The following LRRC4B variants were observed in gnomAD, a reference collection of about 807,000 sequenced individuals.
LRRC4B encodes the protein leucine-rich repeat-containing protein 4B.
A neutral mutation model predicts 7.3 loss-of-function variants in LRRC4B; 1 was observed. The observed-to-expected ratio is 0.14, with a 90% CI of 0.05 to 0.65. The LOEUF is 0.65. LRRC4B is among the 30% of genes least tolerant of loss of function. LRRC4B has a pLI of 0.84. For missense variants in LRRC4B, 730 were observed against 1,041.6 expected, an observed-to-expected ratio of 0.70 and a Z score of 4.12; for synonymous variants, 500 against 499.2, an observed-to-expected ratio of 1.00 and a Z score of -0.02.
In LRRC4B at chr19:50,553,752, C is replaced by T. The variant is rs1303028931; in HGVS notation, c.-35-4879G>A. On this transcript the variant is annotated intron_variant, in intron 1 of 2. Transcript: ENST00000652263. The surrounding 1 kb of genome is among the most constrained non-coding windows in gnomAD (Gnocchi z 4.2). ...GTGACTATTTGGTTCCCAGGACCCACAACAGTGCTGGGCACATGGCAGTTG... is the reference window on the plus strand; with the variant it reads ...GTGACTATTTGGTTCCCAGGACCCATAACAGTGCTGGGCACATGGCAGTTG... Among the ~76,000 whole-genome samples, 1 of 152,172 alleles carries T rather than the reference C, an allele frequency of 6.6e-6. No individual in the cohort carries two copies. The highest frequency in any genetic ancestry group is 2.4e-5 in the African/African-American group (1 of 41,436).
chr19:50,556,733 T>C lies in LRRC4B; in HGVS notation c.-35-7860A>G, dbSNP rs963429545. On this transcript the variant is annotated intron_variant, in intron 1 of 2. Coordinates refer to ENST00000652263, the MANE Select transcript of LRRC4B (RefSeq NM_001080457.2). This position sits in a 1 kb window ranked among gnomAD's most constrained non-coding sequence, Gnocchi z 4.2. ...GGCCCCTCCGAGCCTCAGTATTTGCTGCAGGAACGAGCGAGCCAGCGCCCC... is the reference window on the plus strand; with the variant it reads ...GGCCCCTCCGAGCCTCAGTATTTGCCGCAGGAACGAGCGAGCCAGCGCCCC... Among the ~76,000 whole-genome samples the C allele has an allele frequency of 2.6e-5, 4 of 152,080 alleles. No homozygotes were observed. The highest frequency in any genetic ancestry group is 9.7e-5 in the African/African-American group (4 of 41,406).
At chr19:50,538,508 G>T (rs544645329) in intron 2 of LRRC4B, among the ~76,000 whole-genome samples, 1 of 150,092 alleles carries the variant, frequency 6.7e-6, no homozygotes, top group South Asian at 2.1e-4. Flanking sequence ...TATTTGCCTT[G>T]ATAATGCACT....
chr19:50,539,835 C>T (rs1208562162), intron 2 of LRRC4B, among the ~76,000 whole-genome samples: 2 of 149,808 alleles, frequency 1.3e-5, no homozygotes, highest in African/African-American at 2.5e-5. Flanking sequence ...TGCAGTGAAC[C>T]GAGATCGCGC....
intron 2 of LRRC4B, among the ~76,000 whole-genome samples, chr19:50,534,932 G>A (rs951394034): frequency 6.6e-5 from 10 of 152,000 alleles, no homozygotes; most frequent in South Asian, 2.1e-4. Context: ...GGAGTGCAGC[G>A]ATCTCAGCTC....
At chr19:50,521,035 C>T (rs892859497) in intron 2 of LRRC4B, among the ~76,000 whole-genome samples, 8 of 151,982 alleles carry the variant, frequency 5.3e-5, no homozygotes, top group African/African-American at 7.3e-5. Context: ...GAGGTGTGGC[C>T]GTGTAAAGGA....
chr19:50,537,329 G>A lies in LRRC4B; in HGVS notation c.297+11213C>T, dbSNP rs1426308048. 6.6e-6 allele frequency among the ~76,000 whole-genome samples: 1 copy of A among 152,162 alleles called. No homozygotes were observed. The highest frequency in any genetic ancestry group is 1.5e-5 in the Non-Finnish European group (1 of 68,030). ...AATAGGACCTACTCAGGGGGCTGTC[G>A]TGAGGCTGAAATTCACTGACCCTGT... is the stretch of plus-strand genomic sequence containing the variant. On this transcript the variant is annotated intron_variant, in intron 2 of 2. Transcript: ENST00000652263. This position sits in a 1 kb window ranked among gnomAD's most constrained non-coding sequence, Gnocchi z 5.5.
Position 50,517,942 on chromosome 19 carries a change from C to A in LRRC4B, c.1771G>T (p.Val591Leu). 1.9e-6 allele frequency: 3 copies of A among 1,559,142 alleles called. No homozygotes were observed. Among genetic ancestry groups the A allele is most frequent in the South Asian group, 1.2e-5 (1 of 82,080 alleles). ...CFVAITFMAA[V>L]MLVAFYKLRK... ...AGCTTGTAGAAGGCCACGAGCATCA[C>A]CGCGGCCATGAACGTGATGGCCACG... The change falls in exon 3 of 3, where the codon GTG becomes TTG. Residue 591 changes from valine (V) to leucine (L), a missense_variant. Val to Leu is a conservative substitution (Grantham distance 32, BLOSUM62 1). This residue lies in a region of LRRC4B where 160 missense variants were observed against 163.9 expected (regional missense o/e 0.98). Coordinates refer to ENST00000652263, the MANE Select transcript of LRRC4B (RefSeq NM_001080457.2). The surrounding 1 kb of genome is among the most constrained non-coding windows in gnomAD (Gnocchi z 6.6).
chr19:50,518,679 C>T lies in LRRC4B; in HGVS notation c.1034G>A (p.Gly345Asp), dbSNP rs1362877053. Residue 345 changes from glycine to aspartate, a missense_variant, in exon 3 of 3, where the codon GGC becomes GAC. Coordinates refer to ENST00000652263, the MANE Select transcript of LRRC4B (RefSeq NM_001080457.2). ...CTCCCCAATGTAGCGCCCCTTGAGG[C>T]CGGCGGGCGCATGACAGCGGGCGCA... is the stretch of plus-strand genomic sequence containing the variant. ...TCCARCHAPA[G>D]LKGRYIGELD... 6.2e-7 allele frequency: 1 copy of T among 1,613,672 alleles called. No homozygotes were observed. The highest frequency in any genetic ancestry group is 1.7e-5 in the Admixed American group (1 of 60,000).
intron 2 of LRRC4B, among the ~76,000 whole-genome samples, chr19:50,538,585 T>G (rs1399262304): frequency 8.5e-6 from 1 of 117,572 alleles, no homozygotes; most frequent in African/African-American, 3.9e-5. Flanking sequence ...TTTTTTTTTT[T>G]TGAGACAGAG....
rs371237973 is a variant in LRRC4B at position 50,548,664 on chromosome 19, C to T, written c.175G>A (p.Val59Met). Residue 59 changes from valine (V) to methionine (M), a missense_variant, in exon 2 of 3, where the codon GTG (valine) becomes ATG (methionine). By Grantham distance (21) the Val-to-Met change is conservative. Coordinates refer to ENST00000652263, the MANE Select transcript of LRRC4B (RefSeq NM_001080457.2). This position sits in a 1 kb window ranked among gnomAD's most constrained non-coding sequence, Gnocchi z 6.8. ...GCCTGGTTGCTGCAGGAGCAGGCCA[C>T]GGGGCAGGAGGTGGCCGGCGGGGAG... Reference protein sequence around the residue: ...GGSPPATSCPVACSCSNQASR... With the variant: ...GGSPPATSCPMACSCSNQASR... 143 of 1,566,556 alleles carry T rather than the reference C, an allele frequency of 9.1e-5. No homozygotes were observed. The African/African-American group carries it at 1.3e-3, about 14-fold the overall frequency.
At chr19:50,539,857 A>G (rs1301510295) in intron 2 of LRRC4B, among the ~76,000 whole-genome samples, 1 of 150,650 alleles carries the variant, frequency 6.6e-6, no homozygotes, top group African/African-American at 2.5e-5. Flanking sequence ...ACTGCACTCC[A>G]GCCTGGGGGA....
intron 1 of LRRC4B, among the ~76,000 whole-genome samples, chr19:50,564,655 T>C (rs1982569594): frequency 6.6e-6 from 1 of 151,824 alleles, no homozygotes; most frequent in Non-Finnish European, 1.5e-5. Context: ...GCGAGACGGC[T>C]TGACAGAGAC....
At chr19:50,554,679 C>T (rs910553857) in intron 1 of LRRC4B, among the ~76,000 whole-genome samples, 2 of 152,238 alleles carry the variant, frequency 1.3e-5, no homozygotes, top group African/African-American at 4.8e-5. Flanking sequence ...GTCCAACACA[C>T]ATCTGGCACT....
chr19:50,552,650 A>ATCCGTCCG (rs1982127616), intron 1 of LRRC4B, among the ~76,000 whole-genome samples: 1 of 95,102 alleles, frequency 1.1e-5, no homozygotes, highest in African/African-American at 4.4e-5. Context: ...CCATCCGTCC[A>ATCCGTCCG]TCCATCCATC....
intron 2 of LRRC4B, among the ~76,000 whole-genome samples, chr19:50,539,240 TG>T (rs1235461131): frequency 6.6e-6 from 1 of 152,246 alleles, no homozygotes; most frequent in Non-Finnish European, 1.5e-5. Context: ...TTTGGCTGTC[TG>T]GGCCTGGCTT....
intron 1 of LRRC4B, among the ~76,000 whole-genome samples, chr19:50,559,728 T>C (rs1469683976): frequency 2.0e-5 from 3 of 152,380 alleles, no homozygotes; most frequent in Non-Finnish European, 2.9e-5. Flanking sequence ...ATAGTTATTT[T>C]GTTTACAACA....
At chr19:50,545,690 A>G (rs61363496) in intron 2 of LRRC4B, among the ~76,000 whole-genome samples, 2 of 149,692 alleles carry the variant, frequency 1.3e-5, no homozygotes, top group African/African-American at 2.5e-5. Flanking sequence ...GATTTTTTCA[A>G]TTTTTTATTT....
rs1194482567 is a variant in LRRC4B at position 50,517,578 on chromosome 19, T to A, written c.2135A>T (p.Gln712Leu). The A allele has an allele frequency of 7.0e-7, 1 of 1,434,338 alleles. No homozygotes were observed. Among genetic ancestry groups the A allele is most frequent in the African/African-American group, 1.5e-5 (1 of 66,916 alleles). The allele number at this position is 1,434,338 out of a possible 1,614,324, so 88.9% of individuals were successfully genotyped here. A position where few individuals can be genotyped will look rare whatever the true frequency, so the allele number is the denominator to read the frequency against. The change falls in exon 3 of 3, where the codon CAG (glutamine) becomes CTG (leucine). Residue 712 changes from glutamine to leucine, a missense_variant. Transcript: ENST00000652263. The surrounding 1 kb of genome is among the most constrained non-coding windows in gnomAD (Gnocchi z 6.6). ...SGSKENVQET[Q>L]I Reference sequence around the variant, plus strand: ...CCGCCCGGCCCCGCCGCCTCAGATCTGCGTCTCTTGCACGTTCTCCTTGGA... The same window carrying A: ...CCGCCCGGCCCCGCCGCCTCAGATCAGCGTCTCTTGCACGTTCTCCTTGGA...
In LRRC4B at chr19:50,551,344, G is replaced by GC. The variant is rs946345526; in HGVS notation, c.-35-2472dup. Among the ~76,000 whole-genome samples, 166 of 148,064 alleles carry GC rather than the reference G, an allele frequency of 1.1e-3. 1 individual carries two copies. Among genetic ancestry groups the GC allele is most frequent in the East Asian group, 2.8e-3 (14 of 4,924 alleles). On this transcript the variant is annotated intron_variant, in intron 1 of 2. Transcript: ENST00000652263. ...GCAGGGGCTTCTTGGGTCTCCCCGCGCCCCCCCCACTGGCCTGTCGCCCTT... is the reference window on the plus strand; with the variant it reads ...GCAGGGGCTTCTTGGGTCTCCCCGCGCCCCCCCCCACTGGCCTGTCGCCCTT...
Sources: gnomAD v4.1 joint callset for allele counts (sites outside exome capture counted in the v4.1 genomes callset) on GRCh38, gnomAD v4.1.1 for gene constraint, gnomAD v4.1.1 regional missense constraint, Gnocchi (gnomAD v3.1) non-coding constraint, MANE v1.5 for transcripts, NCBI Gene and HGNC (gene_info 2026-07-23, HGNC 2026-07-21) for gene names.